COL11A1: variants seen among roughly 807,000 people sequenced by gnomAD.
COL11A1 encodes the protein collagen type XI alpha 1 chain.
Under a neutral mutation model 265.2 loss-of-function variants are expected in COL11A1, and 74 were observed. The observed-to-expected ratio is 0.28, with a 90% CI of 0.23 to 0.34. COL11A1 has a LOEUF of 0.34. COL11A1 is among the 10% of genes least tolerant of loss of function. COL11A1 has a pLI of 1.00. For synonymous variants in COL11A1, 816 were observed against 727.6 expected (o/e 1.12, Z -1.96); for missense variants, 2,165 against 2,263.6 (o/e 0.96, Z 0.88).
chr1:103,083,313 C>CTA (rs1672584800), intron 1 of COL11A1, among the ~76,000 whole-genome samples: 1 of 149,748 alleles, frequency 6.7e-6, no homozygotes, highest in South Asian at 2.1e-4. Flanking sequence ...TTAAAGTTTC[C>CTA]TATATATGAT....
At chr1:103,089,275 C>T (rs1042955379) in intron 1 of COL11A1, among the ~76,000 whole-genome samples, 1 of 152,092 alleles carries the variant, frequency 6.6e-6, no homozygotes, top group Non-Finnish European at 1.5e-5. Flanking sequence ...CCTAGTCAAC[C>T]TTTTAGTGTA....
intron 11 of COL11A1, among the ~76,000 whole-genome samples, chr1:103,017,391 GT>G (rs926620810): frequency 6.6e-6 from 1 of 152,080 alleles, no homozygotes; most frequent in African/African-American, 2.4e-5. Flanking sequence ...TATGAGAAGA[GT>G]TTGGAGAGAC....
intron 63 of COL11A1, among the ~76,000 whole-genome samples, chr1:102,886,312 C>A (rs753822547): frequency 6.6e-6 from 1 of 152,132 alleles, no homozygotes; most frequent in Non-Finnish European, 1.5e-5. Flanking sequence ...ATTAAAGATA[C>A]ATTTTTGCCC....
chr1:102,988,761 A>C (rs1663828538), intron 29 of COL11A1, among the ~76,000 whole-genome samples: 1 of 152,150 alleles, frequency 6.6e-6, no homozygotes, highest in Admixed American at 6.6e-5. Context: ...AAATAATAAT[A>C]AAGATTGTTC....
chr1:103,058,082 G>T (rs1173757413), intron 4 of COL11A1, among the ~76,000 whole-genome samples: 2 of 152,202 alleles, frequency 1.3e-5, no homozygotes, highest in Non-Finnish European at 2.9e-5. Flanking sequence ...GTTGTTTAGT[G>T]TAGCAGCTTT....
At chr1:102,970,700 A>T (rs1179703508) in intron 36 of COL11A1, among the ~76,000 whole-genome samples, 2 of 152,080 alleles carry the variant, frequency 1.3e-5, no homozygotes, top group Non-Finnish European at 1.5e-5. Context: ...TCTAGTGGTA[A>T]TCCGAGCTTC....
At chr1:103,090,111 G>A (rs1435557588) in intron 1 of COL11A1, among the ~76,000 whole-genome samples, 1 of 151,768 alleles carries the variant, frequency 6.6e-6, no homozygotes, top group Non-Finnish European at 1.5e-5. Flanking sequence ...GACAGAACGA[G>A]GCTTTGTCTC....
intron 63 of COL11A1, 35 bp from the exon 64 acceptor site, chr1:102,883,346 T>C: frequency 7.7e-7 from 1 of 1,293,656 alleles, no homozygotes; most frequent in South Asian, 1.2e-5. Flanking sequence ...ATATAAAAAT[T>C]CATTGACATC....
chr1:102,909,043 T>C (rs1040011235), intron 54 of COL11A1, among the ~76,000 whole-genome samples: 3 of 152,334 alleles, frequency 2.0e-5, no homozygotes, highest in Non-Finnish European at 4.4e-5. Flanking sequence ...TGCTATAATA[T>C]GGATATTTCT....
Position 102,920,929 on chromosome 1 carries a change from T to C in COL11A1, c.3709-565A>G, listed in dbSNP as rs10127873. ...ACATAGACTTCTTCATTGTGAAAAG[T>C]TGGCCAGAAGGAAAAATATCATCAA... On this transcript the variant is annotated intron_variant, in intron 48 of 66. Transcript: ENST00000370096. Among the ~76,000 whole-genome samples, 103,537 of 152,012 alleles carry C rather than the reference T, an allele frequency of 0.68. 39,158 individuals carry two copies. The highest frequency in any genetic ancestry group is 0.99 in the East Asian group (5,114 of 5,178).
chr1:103,034,758 T>A (rs1668233785), intron 4 of COL11A1, among the ~76,000 whole-genome samples: 1 of 152,056 alleles, frequency 6.6e-6, no homozygotes, highest in Non-Finnish European at 1.5e-5. Context: ...AATTTTCATT[T>A]TTTTTTGTTG....
At position 102,951,436 on chromosome 1, in the gene COL11A1, A is replaced by G. The variant is rs149047464; in HGVS notation, c.3169-4480T>C. ...CGTCACGCCGGGAGTGGTGGCTCAC[A>G]CCTGTAATCCCAGCACTTTGGGAGG... On this transcript the variant is annotated intron_variant, in intron 41 of 66. Coordinates refer to ENST00000370096, the MANE Select transcript of COL11A1 (RefSeq NM_001854.4). Among the ~76,000 whole-genome samples the G allele has an allele frequency of 9.4e-3, 1,430 of 152,286 alleles. 24 individuals are homozygous for G. The highest frequency in any genetic ancestry group is 0.033 in the African/African-American group (1,356 of 41,560).
chr1:102,931,380 A>T (rs1570768089), intron 46 of COL11A1, among the ~76,000 whole-genome samples: 1 of 148,058 alleles, frequency 6.8e-6, no homozygotes, highest in Non-Finnish European at 1.5e-5. Context: ...CAGGTTGTTC[A>T]GTTTCCATGT....
intron 2 of COL11A1, among the ~76,000 whole-genome samples, chr1:103,080,305 C>G (rs1292730794): frequency 6.6e-6 from 1 of 151,624 alleles, no homozygotes; most frequent in Non-Finnish European, 1.5e-5. Context: ...AAATCCCAGC[C>G]CTACCACATC....
intron 64 of COL11A1, among the ~76,000 whole-genome samples, chr1:102,882,580 C>T (rs1650400818): frequency 6.6e-6 from 1 of 152,070 alleles, no homozygotes; most frequent in Non-Finnish European, 1.5e-5. Context: ...ACACCATTTA[C>T]TAGGAAGAAT....
At position 102,997,386 on chromosome 1, in the gene COL11A1, T is replaced by C. The variant is rs71664953; in HGVS notation, c.2197-262A>G. 0.022 allele frequency among the ~76,000 whole-genome samples: 3,314 copies of C among 152,036 alleles called. 58 individuals are homozygous for C. Among genetic ancestry groups the C allele is most frequent in the Middle Eastern group, 0.092 (27 of 294 alleles). Reference sequence around the variant, plus strand: ...TTTGAGAGAGCTTAGAAAAAGCACATAAAATAATACATATCATTCATTAAC... The same window carrying C: ...TTTGAGAGAGCTTAGAAAAAGCACACAAAATAATACATATCATTCATTAAC... On this transcript the variant is annotated intron_variant, in intron 25 of 66. Coordinates refer to ENST00000370096, the MANE Select transcript of COL11A1 (RefSeq NM_001854.4).
chr1:102,883,169 C>T, intron 64 of COL11A1, 30 bp downstream of exon 64: 1 of 1,426,272 alleles, frequency 7.0e-7, no homozygotes, highest in Admixed American at 1.7e-5. Context: ...GAACTGTCAA[C>T]ATTCACCACC....
intron 5 of COL11A1, among the ~76,000 whole-genome samples, chr1:103,028,872 T>C (rs4908283): frequency 0.67 from 101,522 of 152,012 alleles, 35,966 homozygotes; most frequent in East Asian, 0.92. Flanking sequence ...AAAGGAATCA[T>C]ATAGATTTAA....
In COL11A1 at chr1:102,878,756, G is replaced by A. The variant is rs118129368; in HGVS notation, c.5275-591C>T. Among the ~76,000 whole-genome samples, 256 of 151,420 alleles carry A rather than the reference G, an allele frequency of 1.7e-3. 3 individuals carry two copies. The East Asian group carries it at 0.044, about 26-fold the overall frequency. The stretch of plus-strand genomic sequence containing the variant: ...ACTCCTGACCTCAGGTGATCTGCCC[G>A]CCATGGCTGCCCAAAGTTCTGGGAT... On this transcript the variant is annotated intron_variant, in intron 66 of 66. Transcript: ENST00000370096.
Sources: gnomAD v4.1 joint callset for allele counts (sites outside exome capture counted in the v4.1 genomes callset) on GRCh38, gnomAD v4.1.1 for gene constraint, MANE v1.5 for transcripts, NCBI Gene and HGNC (gene_info 2026-07-23, HGNC 2026-07-21) for gene names.